Variants in SGPP2 observed in about 807,000 individuals in gnomAD.
SGPP2 encodes the protein sphingosine 1-phosphate phosphohydrolase 2.
Under a neutral mutation model 33.9 loss-of-function variants are expected in SGPP2, and 30 were observed. That is an observed-to-expected ratio of 0.89 (90% CI 0.66 to 1.20). The LOEUF (loss-of-function observed/expected upper bound fraction) is 1.20. SGPP2 is among the 50% of genes most tolerant of loss of function. The pLI is 0.00. For missense variants in SGPP2, 458 were observed against 532.1 expected (o/e 0.86, Z 1.37); for synonymous variants, 233 against 225.0 (o/e 1.04, Z -0.32).
intron 2 of SGPP2, among the ~76,000 whole-genome samples, chr2:222,479,940 C>T (rs1698004640): frequency 6.6e-6 from 1 of 152,208 alleles, no homozygotes. Context: ...CTTCTCTCCT[C>T]TGTCCTGTAT....
In SGPP2 at chr2:222,465,465, A is replaced by C. The variant is rs1697731490; in HGVS notation, c.220-9103A>C. Among the ~76,000 whole-genome samples the C allele has an allele frequency of 6.6e-6, 1 of 152,066 alleles. No homozygotes were observed. The highest frequency in any genetic ancestry group is 6.5e-5 in the Admixed American group (1 of 15,278). On this transcript the variant is annotated intron_variant, in intron 1 of 4. Coordinates refer to ENST00000321276, the MANE Select transcript of SGPP2 (RefSeq NM_152386.4). The surrounding 1 kb of genome is among the most constrained non-coding windows in gnomAD (Gnocchi z 4.1). The stretch of plus-strand genomic sequence containing the variant: ...GTAATTAAAAGTGACGGGCCAGGTT[A>C]GTAAATAGATTTGTGAATTCAGGAC...
chr2:222,482,022 A>T (rs1698037121), intron 2 of SGPP2, among the ~76,000 whole-genome samples: 1 of 152,096 alleles, frequency 6.6e-6, no homozygotes, highest in African/African-American at 2.4e-5. Flanking sequence ...TCTAATAATT[A>T]TTGGCTTTTG....
chr2:222,541,739 G>C (rs1442077647), intron 4 of SGPP2, among the ~76,000 whole-genome samples: 1 of 151,664 alleles, frequency 6.6e-6, no homozygotes, highest in Non-Finnish European at 1.5e-5. Flanking sequence ...TCAGCCTCCC[G>C]AGTAGCTAGG....
At chr2:222,469,061 T>C (rs536298560) in intron 1 of SGPP2, among the ~76,000 whole-genome samples, 2 of 152,382 alleles carry the variant, frequency 1.3e-5, no homozygotes, top group South Asian at 4.1e-4. Flanking sequence ...GGAATATCAG[T>C]AACATTTTGC....
At chr2:222,442,536 A>C (rs1697341948) in intron 1 of SGPP2, among the ~76,000 whole-genome samples, 2 of 152,240 alleles carry the variant, frequency 1.3e-5, no homozygotes, top group South Asian at 4.1e-4. Flanking sequence ...AACATCGAAC[A>C]ATTTAATTGT....
intron 2 of SGPP2, among the ~76,000 whole-genome samples, chr2:222,515,679 C>T (rs1574872155): frequency 6.6e-6 from 1 of 152,028 alleles, no homozygotes; most frequent in East Asian, 1.9e-4. Flanking sequence ...CTATACAATT[C>T]ACCCATTTAA....
intron 2 of SGPP2, among the ~76,000 whole-genome samples, chr2:222,493,618 G>T (rs144920201): frequency 6.6e-6 from 1 of 152,150 alleles, no homozygotes; most frequent in African/African-American, 2.4e-5. Flanking sequence ...TTATAGCCAT[G>T]AGCCACTGCA....
At chr2:222,454,913 G>A (rs569378489) in intron 1 of SGPP2, among the ~76,000 whole-genome samples, 24 of 152,166 alleles carry the variant, frequency 1.6e-4, no homozygotes, top group African/African-American at 5.3e-4. Flanking sequence ...TTATTTCTCT[G>A]TCTCTTCAGA....
At position 222,527,141 on chromosome 2, in the gene SGPP2, C is replaced by A. The variant is rs544983426; in HGVS notation, c.648+2108C>A. ...TTCTTTTTAAAGTGAGTTGTGGGGA[C>A]AGTAAGCAGATATTTAGGGGAAGAT... On this transcript the variant is annotated intron_variant, in intron 4 of 4. Coordinates refer to ENST00000321276, the MANE Select transcript of SGPP2 (RefSeq NM_152386.4). Among the ~76,000 whole-genome samples the A allele has an allele frequency of 1.8e-4, 27 of 152,196 alleles. No homozygotes were observed. In the South Asian group the frequency reaches 4.2e-3, roughly 23 times the overall value.
At chr2:222,450,250 C>T (rs1006842628) in intron 1 of SGPP2, among the ~76,000 whole-genome samples, 2 of 152,160 alleles carry the variant, frequency 1.3e-5, no homozygotes, top group African/African-American at 4.8e-5. Context: ...TCAGCCATTG[C>T]CTGAGTAACA....
intron 2 of SGPP2, among the ~76,000 whole-genome samples, chr2:222,479,196 C>T (rs1324138514): frequency 2.0e-5 from 3 of 152,034 alleles, no homozygotes; most frequent in Admixed American, 6.6e-5. Context: ...GGGAAGCTGC[C>T]GTGGTTGTTT....
chr2:222,547,481 G>A (rs1307418143), intron 4 of SGPP2, among the ~76,000 whole-genome samples: 1 of 152,160 alleles, frequency 6.6e-6, no homozygotes, highest in African/African-American at 2.4e-5. Context: ...GTTAGATTCT[G>A]TGAAGTCAAG....
In SGPP2 at chr2:222,559,070, T is replaced by C. The variant is rs1206987400; in HGVS notation, c.*172T>C. ...CTGTGTGAAAGGAAGAACTGTCTCA[T>C]AGCGGTCATTGGTCGTCCGTGGTGG... On this transcript the variant is annotated 3_prime_UTR_variant, in exon 5 of 5. Transcript: ENST00000321276. 2.5e-5 allele frequency: 16 copies of C among 642,856 alleles called. No individual in the cohort carries two copies. Among genetic ancestry groups the C allele is most frequent in the Non-Finnish European group, 3.9e-5 (15 of 383,642 alleles). The allele number at this position is 642,856 out of a possible 1,614,324, so 39.8% of individuals were successfully genotyped here. A position where few individuals can be genotyped will look rare whatever the true frequency, so the allele number is the denominator to read the frequency against.
At chr2:222,475,550 T>C (rs1005298592) in intron 2 of SGPP2, among the ~76,000 whole-genome samples, 10 of 152,178 alleles carry the variant, frequency 6.6e-5, no homozygotes, top group African/African-American at 2.4e-4. Context: ...ATTATACACA[T>C]GGGAGAGGCC....
intron 1 of SGPP2, among the ~76,000 whole-genome samples, chr2:222,461,880 CAGCTGGCTGG>C (rs1697666157): frequency 6.6e-6 from 1 of 152,140 alleles, no homozygotes; most frequent in Non-Finnish European, 1.5e-5. Context: ...ATCTCAACCA[CAGCTGGCTGG>C]AGCCAACAAA....
intron 2 of SGPP2, among the ~76,000 whole-genome samples, chr2:222,514,231 C>T (rs1698571480): frequency 1.3e-5 from 2 of 152,202 alleles, no homozygotes; most frequent in South Asian, 2.1e-4. Flanking sequence ...AGCAGTATCA[C>T]TATGAATGTG....
upstream of SGPP2, among the ~76,000 whole-genome samples, chr2:222,424,354 C>G (rs1240569690): frequency 1.3e-5 from 2 of 152,058 alleles, no homozygotes; most frequent in East Asian, 1.9e-4. Flanking sequence ...GTCCTGCCCC[C>G]GTGGCCGCCC....
chr2:222,502,346 T>C (rs1041558633), intron 2 of SGPP2, among the ~76,000 whole-genome samples: 1 of 152,250 alleles, frequency 6.6e-6, no homozygotes, highest in Admixed American at 6.5e-5. Context: ...AGACTATTGC[T>C]GTCCTTGAAT....
intron 1 of SGPP2, among the ~76,000 whole-genome samples, chr2:222,464,119 G>A (rs545576476): frequency 9.2e-5 from 14 of 152,226 alleles, no homozygotes; most frequent in South Asian, 6.2e-4. Context: ...AAATCCCTCC[G>A]CACATACAAG....
Sources: allele counts gnomAD v4.1 joint callset (sites outside exome capture counted in the v4.1 genomes callset), GRCh38; gene constraint gnomAD v4.1.1; non-coding constraint Gnocchi (gnomAD v3.1); transcripts MANE v1.5; gene names NCBI Gene and HGNC (gene_info 2026-07-23, HGNC 2026-07-21).